AMMECR1: variants seen among roughly 807,000 people sequenced by gnomAD.
The protein encoded by AMMECR1 is AMMECR nuclear protein 1.
Under a neutral mutation model 22.5 loss-of-function variants are expected in AMMECR1, and 3 were observed. The observed-to-expected ratio is 0.13, with a 90% confidence interval of 0.06 to 0.35. AMMECR1 has a LOEUF of 0.35. Ranked by LOEUF, AMMECR1 falls within the 10% of genes least tolerant of loss-of-function variation. The pLI, the probability that AMMECR1 is intolerant of heterozygous loss-of-function variation, is 1.00. For synonymous variants in AMMECR1, 130 were observed against 116.7 expected, an observed-to-expected ratio of 1.11 and a Z score of -0.74; for missense variants, 235 against 278.7, an observed-to-expected ratio of 0.84 and a Z score of 1.12.
chrX:110,233,251 G>A (rs927103635), intron 2 of AMMECR1, among the ~76,000 whole-genome samples: 2 of 111,608 alleles, frequency 1.8e-5, no homozygotes, highest in African/African-American at 6.5e-5. Flanking sequence ...ATAAATTCCT[G>A]GACACACACA....
intron 2 of AMMECR1, among the ~76,000 whole-genome samples, chrX:110,371,745 CT>C (rs200906274): frequency 1.5e-4 from 17 of 110,876 alleles, no homozygotes; most frequent in Non-Finnish European, 1.5e-4. Flanking sequence ...GAGCCACAGA[CT>C]TTTTTTTGGC....
At chrX:110,388,885 C>T (rs987960421) in intron 2 of AMMECR1, among the ~76,000 whole-genome samples, 2 of 112,305 alleles carry the variant, frequency 1.8e-5, no homozygotes, top group African/African-American at 3.2e-5. Context: ...GTGTGATGTA[C>T]GTAGTGGGGA....
upstream of AMMECR1, among the ~76,000 whole-genome samples, chrX:110,323,083 A>G (rs941772614): frequency 3.0e-4 from 34 of 111,864 alleles, no homozygotes; most frequent in Non-Finnish European, 4.7e-4. Context: ...GATTTCTTTC[A>G]TGCCACTTGA....
At chrX:110,228,688 A>G (rs888493381) in intron 2 of AMMECR1, among the ~76,000 whole-genome samples, 1 of 110,847 alleles carries the variant, frequency 9.0e-6, no homozygotes, top group East Asian at 2.8e-4. Flanking sequence ...TAAGCAGATA[A>G]GGGTGGGGGA....
intron 2 of AMMECR1, among the ~76,000 whole-genome samples, chrX:110,250,891 T>C (rs755157986): frequency 2.7e-5 from 3 of 112,038 alleles, no homozygotes; most frequent in Non-Finnish European, 5.6e-5. Flanking sequence ...GCATCTTCAG[T>C]CACTTATAAT....
At chrX:110,358,385 A>C (rs954406133) in intron 2 of AMMECR1, among the ~76,000 whole-genome samples, 1 of 111,467 alleles carries the variant, frequency 9.0e-6, no homozygotes, top group African/African-American at 3.3e-5. Flanking sequence ...CGAGACCCAT[A>C]ATCCTAGGAA....
intron 1 of AMMECR1, among the ~76,000 whole-genome samples, chrX:110,301,301 C>T (rs2067965671): frequency 8.9e-6 from 1 of 112,520 alleles, no homozygotes; most frequent in African/African-American, 3.2e-5. Flanking sequence ...GCCAAAGGGC[C>T]CTGTGTTGGG....
intron 2 of AMMECR1, among the ~76,000 whole-genome samples, chrX:110,337,615 G>T (rs1205390558): frequency 8.1e-5 from 9 of 111,422 alleles, no homozygotes; most frequent in African/African-American, 2.3e-4. Context: ...GTATACAGTT[G>T]GTGGGAATGT....
chrX:110,360,615 G>T (rs892164873), intron 2 of AMMECR1, among the ~76,000 whole-genome samples: 2 of 111,989 alleles, frequency 1.8e-5, no homozygotes, highest in Admixed American at 9.4e-5. Flanking sequence ...AAATTTTCAA[G>T]TTTAAGCAAA....
At chrX:110,268,161 C>T (rs1287259058) in intron 1 of AMMECR1, among the ~76,000 whole-genome samples, 3 of 112,118 alleles carry the variant, frequency 2.7e-5, no homozygotes, top group Non-Finnish European at 3.8e-5. Context: ...ACTATGTGTT[C>T]TCAAGAGCCT....
At chrX:110,355,658 G>C (rs755937709) in intron 2 of AMMECR1, among the ~76,000 whole-genome samples, 1 of 111,563 alleles carries the variant, frequency 9.0e-6, no homozygotes, top group South Asian at 3.7e-4. Flanking sequence ...ATAACCATTT[G>C]GAAAACAGTA....
chrX:110,288,247 T>C (rs1359613349), intron 1 of AMMECR1, among the ~76,000 whole-genome samples: 1 of 112,011 alleles, frequency 8.9e-6, no homozygotes, highest in African/African-American at 3.2e-5. Context: ...ACCATGGCTT[T>C]TGGCATTTTT....
Position 110,201,026 on chromosome X carries a change from T to A in AMMECR1, c.815A>T (p.Asp272Val), listed in dbSNP as rs1422663827. The A allele has an allele frequency of 8.3e-7, 1 of 1,202,234 alleles. No homozygotes were observed. The highest frequency in any genetic ancestry group is 1.1e-6 in the Non-Finnish European group (1 of 887,842). ...EQGWDHIQTI[D>V]SLLRKGGYKA... ...GTATCCTCCTTTCCTCAATAAGGAG[T>A]CTATGGTCTGTATATGGTCCCATCC... Residue 272 changes from aspartate (D) to valine (V), a missense_variant, in exon 5 of 6, where the codon GAC (aspartate) becomes GTC (valine). Around this residue, in one of 2 missense-constraint regions of AMMECR1, gnomAD observed 111 missense variants for 181.7 expected, o/e 0.61. Transcript: ENST00000262844.
intron 2 of AMMECR1, among the ~76,000 whole-genome samples, chrX:110,395,936 C>G (rs746545399): frequency 9.0e-6 from 1 of 111,713 alleles, no homozygotes; most frequent in East Asian, 2.8e-4. Context: ...GCCTCCAGGG[C>G]TTATGGAAGA....
chrX:110,378,360 G>C lies in AMMECR1; in HGVS notation c.-148+48298C>G, dbSNP rs1288661629. ...CATCTACTCTCTCCTTGACTGTTGC[G>C]ATAGCCTCCTAAGCAGCCACTCCAC... On this transcript the variant is annotated intron_variant, in intron 2 of 7. Coordinates refer to the AMMECR1 transcript ENST00000372057. 2.7e-5 allele frequency among the ~76,000 whole-genome samples: 3 copies of C among 111,046 alleles called. No homozygotes were observed. The East Asian group carries it at 8.4e-4, about 31-fold the overall frequency.
chrX:110,294,935 TA>T (rs762971886), intron 1 of AMMECR1, among the ~76,000 whole-genome samples: 33 of 106,534 alleles, frequency 3.1e-4, no homozygotes, highest in East Asian at 2.6e-3. Flanking sequence ...GGTATAAACT[TA>T]AAAAAAAAAT....
intron 4 of AMMECR1, among the ~76,000 whole-genome samples, chrX:110,201,353 C>T (rs1158378203): frequency 1.8e-5 from 2 of 111,803 alleles, no homozygotes; most frequent in African/African-American, 6.5e-5. Flanking sequence ...CTGTAACAAA[C>T]CATATCTGTT....
intron 1 of AMMECR1, among the ~76,000 whole-genome samples, chrX:110,430,814 A>C (rs748842671): frequency 1.2e-4 from 13 of 112,652 alleles, no homozygotes; most frequent in Non-Finnish European, 1.5e-4. Flanking sequence ...GAAATTAAAC[A>C]CAGGAGTGCT....
chrX:110,424,805 C>T (rs188896472), intron 2 of AMMECR1, among the ~76,000 whole-genome samples: 133 of 112,033 alleles, frequency 1.2e-3, no homozygotes, highest in Middle Eastern at 4.6e-3. Context: ...GGCTCTGCCA[C>T]CAAATAACAA....
Sources: allele counts gnomAD v4.1 joint callset (sites outside exome capture counted in the v4.1 genomes callset), GRCh38; gene constraint gnomAD v4.1.1; regional missense constraint gnomAD v4.1.1; transcripts MANE v1.5; gene names NCBI Gene and HGNC (gene_info 2026-07-23, HGNC 2026-07-21).